GNG2: variants seen among roughly 807,000 people sequenced by gnomAD.
The protein encoded by GNG2 is guanine nucleotide-binding protein G(I)/G(S)/G(O) subunit gamma-2.
GNG2 carries 5 observed loss-of-function variants against 5.5 expected under a neutral mutation model. The ratio of observed to expected loss-of-function variants is 0.91; its 90% CI spans 0.48 to 1.92. The LOEUF (loss-of-function observed/expected upper bound fraction) is 1.92. Ranked by LOEUF, GNG2 falls within the 30% of genes most tolerant of loss-of-function variation. The pLI is 0.01. For synonymous variants in GNG2, 28 were observed against 32.0 expected (o/e 0.88, Z 0.42); for missense variants, 55 against 88.4 (o/e 0.62, Z 1.52).
intron 3 of GNG2, among the ~76,000 whole-genome samples, chr14:51,955,934 A>G (rs1889250501): frequency 6.6e-6 from 1 of 152,204 alleles, no homozygotes; most frequent in South Asian, 2.1e-4. Context: ...ATTGAAATTG[A>G]ACTTCATGGA....
At chr14:51,957,866 T>G (rs1889360772) in intron 3 of GNG2, among the ~76,000 whole-genome samples, 1 of 152,200 alleles carries the variant, frequency 6.6e-6, no homozygotes, top group South Asian at 2.1e-4. Context: ...TAATTATAAT[T>G]AAATTCAGGT....
chr14:51,871,181 G>C (rs1356688648), intron 1 of GNG2, among the ~76,000 whole-genome samples: 1 of 151,800 alleles, frequency 6.6e-6, no homozygotes, highest in African/African-American at 2.4e-5. Flanking sequence ...CATGAATGAC[G>C]GTTGTGTTTA....
At chr14:51,853,674 A>G (rs55984157) in intron 2 of GNG2, among the ~76,000 whole-genome samples, 23,257 of 152,142 alleles carry the variant, frequency 0.15, 2,310 homozygotes, top group East Asian at 0.44. Context: ...TATTGGAGTT[A>G]TTATTGTATA....
intron 2 of GNG2, chr14:51,847,320 G>A (rs1881661038): frequency 6.6e-6 from 1 of 152,236 alleles, no homozygotes; most frequent in Non-Finnish European, 1.5e-5. Flanking sequence ...TCTGTAAGCG[G>A]GAGTGTCAAC....
intron 2 of GNG2, chr14:51,878,064 G>T (rs1332876189): frequency 1.2e-5 from 2 of 165,548 alleles, no homozygotes; most frequent in South Asian, 1.7e-4. Flanking sequence ...TGTAAACATT[G>T]TAAGGGCTTT....
chr14:51,927,565 A>AAT (rs1409154511), intron 2 of GNG2, among the ~76,000 whole-genome samples: 1 of 152,214 alleles, frequency 6.6e-6, no homozygotes, highest in African/African-American at 2.4e-5. Context: ...ACCATGTTGA[A>AAT]ATTCCCTATT....
At chr14:51,945,174 CA>C (rs1209257825) in intron 2 of GNG2, among the ~76,000 whole-genome samples, 1 of 151,556 alleles carries the variant, frequency 6.6e-6, no homozygotes, top group Non-Finnish European at 1.5e-5. Flanking sequence ...TATGATCCAG[CA>C]ATTTAACTTC....
At chr14:51,840,661 C>T (rs571844705) in intron 2 of GNG2, among the ~76,000 whole-genome samples, 20 of 152,268 alleles carry the variant, frequency 1.3e-4, no homozygotes, top group Non-Finnish European at 2.6e-4. Context: ...TGGTTTTGGA[C>T]TCAGTGAATG....
chr14:51,858,095 CATGG>C (rs1401627083), upstream of GNG2, among the ~76,000 whole-genome samples: 1 of 152,316 alleles, frequency 6.6e-6, no homozygotes, highest in East Asian at 1.9e-4. Context: ...GGGATAGGCT[CATGG>C]TTAGCAATTG....
chr14:51,844,941 G>A (rs1030405052), intron 2 of GNG2, among the ~76,000 whole-genome samples: 7 of 151,956 alleles, frequency 4.6e-5, no homozygotes, highest in African/African-American at 1.7e-4. Flanking sequence ...TGGGCAGGCT[G>A]GTCTCAAACT....
At chr14:51,888,450 C>T (rs1884612316) in intron 2 of GNG2, among the ~76,000 whole-genome samples, 1 of 152,058 alleles carries the variant, frequency 6.6e-6, no homozygotes, top group Admixed American at 6.6e-5. Flanking sequence ...TCCCCAGTAG[C>T]TAGGACCACA....
intron 2 of GNG2, among the ~76,000 whole-genome samples, chr14:51,881,881 A>C (rs546969105): frequency 3.9e-5 from 6 of 152,064 alleles, no homozygotes; most frequent in African/African-American, 1.4e-4. Context: ...CCTGGACAGA[A>C]TTGTGAATTA....
intron 1 of GNG2, among the ~76,000 whole-genome samples, chr14:51,867,555 G>C (rs1399108233): frequency 6.6e-6 from 1 of 152,168 alleles, no homozygotes. Context: ...TTGTGATTGG[G>C]AAAATATCTT....
intron 3 of GNG2, chr14:51,952,154 G>C (rs1566710869): frequency 2.2e-6 from 1 of 445,062 alleles, no homozygotes; most frequent in Admixed American, 4.0e-5. Context: ...AGAGTGAAGA[G>C]AGAGCTCTTC....
At chr14:51,953,933 C>T (rs1889128088) in intron 3 of GNG2, among the ~76,000 whole-genome samples, 1 of 152,084 alleles carries the variant, frequency 6.6e-6, no homozygotes, top group African/African-American at 2.4e-5. Context: ...GCTTTATATA[C>T]GTCTGGCAGA....
chr14:51,865,540 C>G (rs1035332788), intron 1 of GNG2, among the ~76,000 whole-genome samples: 4 of 152,086 alleles, frequency 2.6e-5, no homozygotes, highest in African/African-American at 7.2e-5. Context: ...GGTGACCTAG[C>G]CTATATTGAC....
intron 2 of GNG2, among the ~76,000 whole-genome samples, chr14:51,931,497 G>A (rs1304057388): frequency 6.6e-6 from 1 of 152,150 alleles, no homozygotes; most frequent in African/African-American, 2.4e-5. Context: ...ATACAAAATC[G>A]GGAGATGTAA....
chr14:51,834,380 G>T (rs1881279188), intron 2 of GNG2, among the ~76,000 whole-genome samples: 1 of 152,192 alleles, frequency 6.6e-6, no homozygotes, highest in African/African-American at 2.4e-5. Flanking sequence ...GCCTGCCACG[G>T]ACTCCCCTGC....
intron 2 of GNG2, among the ~76,000 whole-genome samples, chr14:51,852,710 G>A (rs997326554): frequency 6.6e-6 from 1 of 152,174 alleles, no homozygotes; most frequent in Non-Finnish European, 1.5e-5. Context: ...ATTTCCCTGT[G>A]TAATCATACA....
Sources: gnomAD v4.1 joint callset for allele counts (sites outside exome capture counted in the v4.1 genomes callset) on GRCh38, gnomAD v4.1.1 for gene constraint, MANE v1.5 for transcripts, NCBI Gene and HGNC (gene_info 2026-07-23, HGNC 2026-07-21) for gene names.